Variants in ZDHHC20 observed in about 807,000 individuals in gnomAD.
The protein encoded by ZDHHC20 is palmitoyltransferase ZDHHC20.
ZDHHC20 carries 43 observed loss-of-function variants against 57.8 expected under a neutral mutation model. The observed-to-expected ratio is 0.74, with a 90% confidence interval of 0.58 to 0.96. The LOEUF (loss-of-function observed/expected upper bound fraction) is 0.96. ZDHHC20 is among the 40% of genes least tolerant of loss of function. ZDHHC20 has a pLI of 0.00. For missense variants in ZDHHC20, 391 were observed against 441.1 expected (o/e 0.89, Z 1.02); for synonymous variants, 157 against 153.0 (o/e 1.03, Z -0.19).
rs1240412005 is a variant in ZDHHC20, at chr13:21,459,088, C to T, written c.84G>A (p.Trp28Ter). ...GCTCCACCACGTACGCGTAGTAGGA[C>T]CAGACGACCACGAAGGTGATGAAGA... Reference protein sequence around the residue: ...PVLFITFVVVWSYYAYVVELC... With the variant: ...PVLFITFVVV The change falls in exon 1 of 13, where the codon TGG becomes TGA. Residue 28 changes from tryptophan (W) to a stop codon, truncating the protein, a stop_gained. Coordinates refer to ENST00000400590, the MANE Select transcript of ZDHHC20 (RefSeq NM_001330059.2). LOFTEE classifies it high-confidence loss of function. 8 of 1,606,712 alleles carry T rather than the reference C, an allele frequency of 5.0e-6. No individual in the cohort carries two copies. Among genetic ancestry groups the T allele is most frequent in the Non-Finnish European group, 5.9e-6 (7 of 1,177,254 alleles).
intron 4 of ZDHHC20, among the ~76,000 whole-genome samples, chr13:21,413,422 A>G (rs1253469527): frequency 6.6e-6 from 1 of 152,180 alleles, no homozygotes; most frequent in African/African-American, 2.4e-5. Context: ...CAAGTACAGA[A>G]GAGATTCATA....
intron 2 of ZDHHC20, among the ~76,000 whole-genome samples, chr13:21,423,652 C>T (rs926253338): frequency 2.0e-5 from 3 of 149,774 alleles, no homozygotes; most frequent in Non-Finnish European, 4.4e-5. Flanking sequence ...CTAGCCTGAG[C>T]GACAGAGCGA....
At chr13:21,451,483 A>C (rs1884434189) in intron 1 of ZDHHC20, among the ~76,000 whole-genome samples, 2 of 152,234 alleles carry the variant, frequency 1.3e-5, no homozygotes, top group South Asian at 4.1e-4. Context: ...AAATATAAGA[A>C]AGTGCATACT....
rs546359327 is a variant in ZDHHC20 at position 21,380,782 on chromosome 13, T to A, written c.1060+652A>T. On this transcript the variant is annotated intron_variant, in intron 11 of 12. Transcript: ENST00000400590. Reference sequence around the variant, plus strand: ...ACTCTAGCCTGGTGACAGAGCGAAATTCCATCTCAAAAAAAAAAAAAGAAT... The same window carrying A: ...ACTCTAGCCTGGTGACAGAGCGAAAATCCATCTCAAAAAAAAAAAAAGAAT... Among the ~76,000 whole-genome samples the A allele has an allele frequency of 6.6e-4, 96 of 146,534 alleles. 1 individual carries two copies. Among genetic ancestry groups the A allele is most frequent in the Middle Eastern group, 6.9e-3 (2 of 290 alleles).
chr13:21,392,606 T>C (rs189506959), intron 7 of ZDHHC20, among the ~76,000 whole-genome samples: 568 of 152,318 alleles, frequency 3.7e-3, no homozygotes, highest in Non-Finnish European at 6.7e-3. Context: ...GCTATATACA[T>C]TTTAACAGAA....
At chr13:21,395,976 T>G (rs1348295231) in intron 7 of ZDHHC20, among the ~76,000 whole-genome samples, 1 of 152,086 alleles carries the variant, frequency 6.6e-6, no homozygotes, top group Non-Finnish European at 1.5e-5. Context: ...AACCACCTCT[T>G]CTATCTGCCT....
At chr13:21,392,880 T>G (rs1876000022) in intron 7 of ZDHHC20, among the ~76,000 whole-genome samples, 1 of 152,222 alleles carries the variant, frequency 6.6e-6, no homozygotes, top group African/African-American at 2.4e-5. Context: ...GACCATTTTG[T>G]GAAGCAAATT....
chr13:21,397,765 GA>G (rs1380452810), intron 7 of ZDHHC20, among the ~76,000 whole-genome samples: 2 of 151,980 alleles, frequency 1.3e-5, no homozygotes, highest in African/African-American at 4.8e-5. Context: ...GAACACAATA[GA>G]AATTTCACAA....
In ZDHHC20 at chr13:21,387,621, T is replaced by G; in HGVS notation, c.741A>C (p.Ala247=). 6.8e-7 allele frequency: 1 copy of G among 1,465,316 alleles called. No individual in the cohort carries two copies. The allele number at this position is 1,465,316 out of a possible 1,614,324, so 90.8% of individuals were successfully genotyped here. ...KNRTTIESFR[A]PTFSYGPDGN... ...CATCAGGTCCGTATGAAAACGTGGG[T>G]GCGCGGAATGATTCTGTTAAATATA... is the stretch of plus-strand genomic sequence containing the variant. The change falls in exon 9 of 13, where the codon GCA becomes GCC. Residue 247 remains alanine (A), a synonymous_variant. Coordinates refer to ENST00000400590, the MANE Select transcript of ZDHHC20 (RefSeq NM_001330059.2).
intron 3 of ZDHHC20, among the ~76,000 whole-genome samples, chr13:21,418,389 AT>A (rs1335850046): frequency 6.6e-6 from 1 of 152,186 alleles, no homozygotes; most frequent in Admixed American, 6.5e-5. Context: ...ACCAAAAAAA[AT>A]AACAACAACA....
intron 8 of ZDHHC20, 128 bp downstream of exon 8, chr13:21,391,594 C>G: frequency 6.8e-6 from 7 of 1,026,446 alleles, no homozygotes. Flanking sequence ...TTATTAGGCA[C>G]GTGCCACCAA....
intron 1 of ZDHHC20, among the ~76,000 whole-genome samples, chr13:21,426,670 A>G (rs557992890): frequency 1.0e-4 from 15 of 149,808 alleles, no homozygotes; most frequent in Non-Finnish European, 2.2e-4. Context: ...CAGTGGCACA[A>G]TCTTGGCTCA....
chr13:21,425,653 AT>A lies in ZDHHC20; in HGVS notation c.143del (p.Asn48MetfsTer24). On this transcript the variant is annotated frameshift_variant and splice_region_variant, in exon 2 of 13. Transcript: ENST00000400590. LOFTEE classifies it high-confidence loss of function. ...AAATTGAAACTAAAAGTGCCTTACCATTTTCTTCATTTCCAAAAATAGTAAC... is the reference window on the plus strand; with the variant it reads ...AAATTGAAACTAAAAGTGCCTTACCATTTCTTCATTTCCAAAAATAGTAAC... ...CVFTIFGNEE[N>X]GKTVVYLVAF... The A allele has an allele frequency of 8.4e-7, 1 of 1,186,198 alleles. No individual in the cohort carries two copies. Among genetic ancestry groups the A allele is most frequent in the Non-Finnish European group, 1.1e-6 (1 of 881,688 alleles). The allele number at this position is 1,186,198 out of a possible 1,614,324, so 73.5% of individuals were successfully genotyped here.
rs1882369578 is a variant in ZDHHC20, at chr13:21,434,755, C to A, written c.119-9077G>T. Among the ~76,000 whole-genome samples, 4 of 147,480 alleles carry A rather than the reference C, an allele frequency of 2.7e-5. No homozygotes were observed. The Admixed American group carries it at 2.8e-4, about 10-fold the overall frequency. On this transcript the variant is annotated intron_variant, in intron 1 of 12. Transcript: ENST00000400590. ...GTCCTACAAATTCTAGAAATCGCTA[C>A]CCATTAGCACACAGAGACATCCTTT...
In ZDHHC20 at chr13:21,373,886, T is replaced by C. The variant is rs938202545; in HGVS notation, c.*2810A>G. The C allele has an allele frequency of 2.6e-5, 4 of 152,358 alleles. No individual in the cohort carries two copies. 9.4% of individuals were successfully genotyped at this position (152,358 alleles called of 1,614,324 possible). On this transcript the variant is annotated 3_prime_UTR_variant, in exon 13 of 13. Coordinates refer to ENST00000400590, the MANE Select transcript of ZDHHC20 (RefSeq NM_001330059.2). ...TGAATCAGTTGAGCTAAATATTATT[T>C]AGAACGTGGCAAAATGCTGGCTGTA...
At chr13:21,427,153 T>C (rs186752322) in intron 1 of ZDHHC20, among the ~76,000 whole-genome samples, 1 of 152,214 alleles carries the variant, frequency 6.6e-6, no homozygotes, top group East Asian at 1.9e-4. Flanking sequence ...TTTTCTTTTT[T>C]TCTTTTTATT....
chr13:21,448,336 G>A (rs1327534047), intron 1 of ZDHHC20, among the ~76,000 whole-genome samples: 13 of 61,388 alleles, frequency 2.1e-4, no homozygotes, highest in Admixed American at 5.5e-4. Flanking sequence ...TCAGCCCCCC[G>A]CCCGGCCAGC....
At chr13:21,434,723 G>A (rs1882367094) in intron 1 of ZDHHC20, among the ~76,000 whole-genome samples, 1 of 151,852 alleles carries the variant, frequency 6.6e-6, no homozygotes, top group Non-Finnish European at 1.5e-5. Flanking sequence ...CAGATGTCTT[G>A]TGAAATGTCC....
At chr13:21,456,039 GAATT>G (rs1428443694) in intron 1 of ZDHHC20, among the ~76,000 whole-genome samples, 1 of 152,102 alleles carries the variant, frequency 6.6e-6, no homozygotes, top group Non-Finnish European at 1.5e-5. Context: ...AAGATTAAAT[GAATT>G]AATACATACA....
Sources: gnomAD v4.1 joint callset for allele counts (sites outside exome capture counted in the v4.1 genomes callset) on GRCh38, gnomAD v4.1.1 for gene constraint, MANE v1.5 for transcripts, NCBI Gene and HGNC (gene_info 2026-07-23, HGNC 2026-07-21) for gene names.